Variants in CDK6 observed in about 807,000 individuals in gnomAD.
CDK6 encodes cyclin dependent kinase 6.
A neutral mutation model predicts 37.1 loss-of-function variants in CDK6; 6 were observed. That is an observed-to-expected ratio of 0.16 (90% CI 0.09 to 0.32). CDK6 has a LOEUF of 0.32. Ranked by LOEUF, CDK6 falls within the 10% of genes least tolerant of loss-of-function variation. CDK6 has a pLI of 1.00. For missense variants in CDK6, 224 were observed against 418.9 expected (o/e 0.53, Z 4.06); for synonymous variants, 160 against 161.3 (o/e 0.99, Z 0.06).
At chr7:92,795,504 A>G (rs1800387026) in intron 2 of CDK6, among the ~76,000 whole-genome samples, 1 of 152,066 alleles carries the variant, frequency 6.6e-6, no homozygotes, top group East Asian at 1.9e-4. Flanking sequence ...AATGTGTTTC[A>G]CTCTTCCAAC....
At chr7:92,658,729 C>T (rs1796764529) in intron 5 of CDK6, among the ~76,000 whole-genome samples, 2 of 152,056 alleles carry the variant, frequency 1.3e-5, no homozygotes, top group African/African-American at 2.4e-5. Context: ...GTTTTTACAA[C>T]CAGACTATGT....
intron 5 of CDK6, among the ~76,000 whole-genome samples, chr7:92,656,655 A>T (rs1258788581): frequency 2.0e-5 from 3 of 152,212 alleles, no homozygotes; most frequent in Non-Finnish European, 4.4e-5. Context: ...CTCAGATTGG[A>T]GGTCCAAGCC....
intron 4 of CDK6, among the ~76,000 whole-genome samples, chr7:92,681,245 C>T (rs1481348957): frequency 1.3e-5 from 2 of 152,086 alleles, no homozygotes; most frequent in East Asian, 3.8e-4. Context: ...ATGAAAGGCA[C>T]AGGGAAAATG....
intron 4 of CDK6, among the ~76,000 whole-genome samples, chr7:92,696,295 C>T (rs933884830): frequency 6.6e-6 from 1 of 152,046 alleles, no homozygotes; most frequent in Admixed American, 6.6e-5. Flanking sequence ...TGCTAACAGG[C>T]CAACTTAAAA....
At chr7:92,686,756 G>A (rs1797464510) in intron 4 of CDK6, among the ~76,000 whole-genome samples, 2 of 151,924 alleles carry the variant, frequency 1.3e-5, no homozygotes, top group Non-Finnish European at 2.9e-5. Flanking sequence ...CAGTGTAAAA[G>A]TGTTCCCTTT....
rs1374328887 is a variant in CDK6, at chr7:92,833,073, C to T, written c.233+18G>A. 1.3e-6 allele frequency: 2 copies of T among 1,528,224 alleles called. No homozygotes were observed. Among genetic ancestry groups the T allele is most frequent in the Middle Eastern group, 1.8e-4 (1 of 5,506 alleles). 94.7% of individuals were successfully genotyped at this position (1,528,224 alleles called of 1,614,324 possible). On this transcript the variant is annotated intron_variant, in intron 2 of 7. Transcript: ENST00000424848. This position sits in a 1 kb window ranked among gnomAD's most constrained non-coding sequence, Gnocchi z 6.1. ...CGCGCGAGGCCCCAGATGGCGAGGG[C>T]GCAGCTCCCTGGCTCACCTGACCAC...
intron 5 of CDK6, among the ~76,000 whole-genome samples, chr7:92,669,657 AC>A (rs1797032466): frequency 6.6e-6 from 1 of 152,232 alleles, no homozygotes; most frequent in Admixed American, 6.5e-5. Flanking sequence ...TAAGCCTTTA[AC>A]CCAATGTCTT....
chr7:92,672,134 C>CATACAT (rs1554401676), intron 4 of CDK6, among the ~76,000 whole-genome samples: 5 of 65,408 alleles, frequency 7.6e-5, no homozygotes, highest in African/African-American at 1.4e-4. Context: ...AAAAGCTGTA[C>CATACAT]ATATATATAT....
chr7:92,673,109 G>A (rs1797127269), intron 4 of CDK6, among the ~76,000 whole-genome samples: 1 of 152,210 alleles, frequency 6.6e-6, no homozygotes, highest in Non-Finnish European at 1.5e-5. Context: ...AGAAGCCCAT[G>A]AAGATGCCCT....
intron 5 of CDK6, among the ~76,000 whole-genome samples, chr7:92,649,528 T>C (rs1488461624): frequency 6.6e-6 from 1 of 152,184 alleles, no homozygotes; most frequent in Non-Finnish European, 1.5e-5. Context: ...ATTTTCATGT[T>C]TAAGGCAAGG....
intron 2 of CDK6, among the ~76,000 whole-genome samples, chr7:92,826,263 T>C (rs1217968722): frequency 6.6e-6 from 1 of 152,116 alleles, no homozygotes; most frequent in African/African-American, 2.4e-5. Context: ...AGAAGAGGGC[T>C]GTCATGGGAG....
At chr7:92,688,018 T>C (rs370886260) in intron 4 of CDK6, among the ~76,000 whole-genome samples, 1 of 152,368 alleles carries the variant, frequency 6.6e-6, no homozygotes, top group East Asian at 1.9e-4. Flanking sequence ...AGAGTTTGTT[T>C]AGCAATTTTT....
chr7:92,771,242 A>G (rs1316034483), intron 3 of CDK6, among the ~76,000 whole-genome samples: 1 of 150,052 alleles, frequency 6.7e-6, no homozygotes, highest in African/African-American at 2.4e-5. Context: ...AAAAATAAAT[A>G]AAATAAATAA....
At chr7:92,813,478 T>C (rs1321328272) in intron 2 of CDK6, among the ~76,000 whole-genome samples, 5 of 152,188 alleles carry the variant, frequency 3.3e-5, no homozygotes, top group Admixed American at 2.6e-4. Flanking sequence ...CTAGAAATGA[T>C]TGAGGTGGTT....
chr7:92,736,805 GTAAGGAGGC>G (rs963258019), intron 3 of CDK6, among the ~76,000 whole-genome samples: 1 of 152,214 alleles, frequency 6.6e-6, no homozygotes, highest in African/African-American at 2.4e-5. Context: ...GGGAGGTGGT[GTAAGGAGGC>G]TATGATACTA....
At chr7:92,807,076 G>A (rs1298993600) in intron 2 of CDK6, among the ~76,000 whole-genome samples, 1 of 152,100 alleles carries the variant, frequency 6.6e-6, no homozygotes, top group Admixed American at 6.6e-5. Flanking sequence ...TTTTTGGTTT[G>A]TTCACCACCT....
At chr7:92,807,769 T>C (rs564084766) in intron 2 of CDK6, among the ~76,000 whole-genome samples, 1 of 152,256 alleles carries the variant, frequency 6.6e-6, no homozygotes, top group South Asian at 2.1e-4. Flanking sequence ...GGCCTTCTCT[T>C]ATCTATCATG....
intron 4 of CDK6, among the ~76,000 whole-genome samples, chr7:92,708,069 G>T (rs934372696): frequency 6.6e-6 from 1 of 152,092 alleles, no homozygotes; most frequent in Non-Finnish European, 1.5e-5. Context: ...AAGGTAATTA[G>T]CCCCAAGGAG....
In CDK6 at chr7:92,829,991, T is replaced by C. The variant is rs185601930; in HGVS notation, c.233+3100A>G. Among the ~76,000 whole-genome samples, 50 of 152,328 alleles carry C rather than the reference T, an allele frequency of 3.3e-4. 1 individual carries two copies. In the East Asian group the frequency reaches 9.4e-3, roughly 29 times the overall value. The stretch of plus-strand genomic sequence containing the variant: ...ACATAGTGGACCCTCAGTAAATATT[T>C]GGTGAATGAACAGACTGCTGACAAA... On this transcript the variant is annotated intron_variant, in intron 2 of 7. Transcript: ENST00000424848.
Sources: gnomAD v4.1 joint callset for allele counts (sites outside exome capture counted in the v4.1 genomes callset) on GRCh38, gnomAD v4.1.1 for gene constraint, Gnocchi (gnomAD v3.1) non-coding constraint, MANE v1.5 for transcripts, NCBI Gene and HGNC (gene_info 2026-07-23, HGNC 2026-07-21) for gene names.